The following ERAP1 variants were observed in gnomAD, a reference collection of about 807,000 sequenced individuals.
ERAP1 encodes adipocyte-derived leucine aminopeptidase.
ERAP1 carries 86 observed loss-of-function variants against 103.7 expected under a neutral mutation model. That is an observed-to-expected ratio of 0.83 (90% CI 0.70 to 0.99). The LOEUF is 0.99. ERAP1 is among the 50% of genes least tolerant of loss of function. The pLI, the probability that ERAP1 is intolerant of heterozygous loss-of-function variation, is 0.00. For synonymous variants in ERAP1, 398 were observed against 402.4 expected, an observed-to-expected ratio of 0.99 and a Z score of 0.13; for missense variants, 1,009 against 1,128.4, an observed-to-expected ratio of 0.89 and a Z score of 1.52.
At chr5:96,809,883 T>C (rs1036897319), upstream of ERAP1, among the ~76,000 whole-genome samples, 1 of 152,188 alleles carries the variant, frequency 6.6e-6, no homozygotes, top group Non-Finnish European at 1.5e-5. Flanking sequence ...AGTTTTTTTG[T>C]TTTTGTTTTT....
In ERAP1 at chr5:96,803,271, AAAG is replaced by A. The variant is rs1778187588; in HGVS notation, c.524+129_524+131del. On this transcript the variant is annotated intron_variant, in intron 2 of 18. Coordinates refer to ENST00000443439, the MANE Select transcript of ERAP1 (RefSeq NM_001040458.3). ...GGGAAAAAGCCATTTTTAACACTAT[AAAG>A]AAGATGCAAAAGCAAAACTGAAGAA... The A allele has an allele frequency of 8.0e-6, 7 of 875,058 alleles. No homozygotes were observed. In the South Asian group the frequency reaches 1.2e-4, roughly 15 times the overall value. 54.2% of individuals were successfully genotyped at this position (875,058 alleles called of 1,614,324 possible). A position where few individuals can be genotyped will look rare whatever the true frequency, so the allele number is the denominator to read the frequency against.
chr5:96,887,100 T>C, the ERAP1 span, among the ~76,000 whole-genome samples: 196 of 137,432 alleles, frequency 1.4e-3, no homozygotes, highest in African/African-American at 4.7e-3. Context: ...TATATATATA[T>C]ACACACACAC....
At chr5:96,865,651 C>T in the ERAP1 span, among the ~76,000 whole-genome samples, 1 of 152,170 alleles carries the variant, frequency 6.6e-6, no homozygotes, top group Non-Finnish European at 1.5e-5. Context: ...GGTAACTATT[C>T]TATTTTTCAT....
In ERAP1 at chr5:96,786,579, T is replaced by C. The variant is rs749277975; in HGVS notation, c.1680-30A>G. 2.2e-6 allele frequency: 3 copies of C among 1,390,726 alleles called. No individual in the cohort carries two copies. In the African/African-American group the frequency reaches 4.2e-5, roughly 20 times the overall value. 86.1% of individuals were successfully genotyped at this position (1,390,726 alleles called of 1,614,324 possible). A position where few individuals can be genotyped will look rare whatever the true frequency, so the allele number is the denominator to read the frequency against. ...AATAAAGGAGAGGTGGATTGTTCAT[T>C]TGTTGATTCAATTCAACAAGCAGTT... On this transcript the variant is annotated intron_variant, in intron 11 of 18. Transcript: ENST00000443439.
At chr5:96,788,329 C>A (rs1776327570) in intron 11 of ERAP1, among the ~76,000 whole-genome samples, 1 of 152,074 alleles carries the variant, frequency 6.6e-6, no homozygotes, top group Admixed American at 6.5e-5. Context: ...GTCACCTTTA[C>A]TGAGAATAAC....
At chr5:96,827,870 G>T in the ERAP1 span, among the ~76,000 whole-genome samples, 1 of 152,232 alleles carries the variant, frequency 6.6e-6, no homozygotes, top group Non-Finnish European at 1.5e-5. Flanking sequence ...TTGAAACCCT[G>T]TGAGGATAAT....
chr5:96,792,481 C>A (rs1217717137), intron 7 of ERAP1, among the ~76,000 whole-genome samples: 1 of 152,114 alleles, frequency 6.6e-6, no homozygotes, highest in African/African-American at 2.4e-5. Context: ...TATAGCCAAA[C>A]AGCAACACAA....
At chr5:96,794,992 A>G (rs747553836) in intron 5 of ERAP1, 50 bp downstream of exon 5, 2 of 1,607,600 alleles carry the variant, frequency 1.2e-6, no homozygotes, top group Non-Finnish European at 1.7e-6. Flanking sequence ...TGACAAATCT[A>G]TGACTGTGTT....
the ERAP1 span, among the ~76,000 whole-genome samples, chr5:96,905,417 C>T: frequency 2.6e-5 from 4 of 152,132 alleles, no homozygotes; most frequent in African/African-American, 9.7e-5. Flanking sequence ...AGTCTAATTT[C>T]TAGTTGTTCT....
intron 19 of ERAP1, among the ~76,000 whole-genome samples, chr5:96,766,871 TG>T (rs2067319): frequency 0.29 from 44,716 of 152,070 alleles, 7,065 homozygotes; most frequent in East Asian, 0.5. Context: ...AGATGATTCC[TG>T]GTTTAAATAG....
chr5:96,795,223 T>C (rs1384957886), intron 4 of ERAP1, 61 bp from the exon 5 acceptor site: 4 of 1,598,776 alleles, frequency 2.5e-6, no homozygotes, highest in Admixed American at 1.7e-5. Context: ...CCCCACATTG[T>C]GTAGAAGACT....
chr5:96,896,342 A>G, the ERAP1 span: 2 of 1,575,458 alleles, frequency 1.3e-6, no homozygotes, highest in East Asian at 2.2e-5. Context: ...TCAAATAGAA[A>G]CTAAAACTAA....
At chr5:96,889,185 G>T in the ERAP1 span, 1 of 1,614,012 alleles carries the variant, frequency 6.2e-7, no homozygotes, top group Non-Finnish European at 8.5e-7. Flanking sequence ...CATTTCCCAG[G>T]TGTCCATCTA....
intron 10 of ERAP1, 71 bp from the exon 11 acceptor site, chr5:96,788,756 T>C: frequency 6.4e-7 from 1 of 1,570,170 alleles, no homozygotes; most frequent in Non-Finnish European, 8.6e-7. Flanking sequence ...GAACACCAGC[T>C]TATGCTCAAA....
chr5:96,818,893 C>CATTT, the ERAP1 span, among the ~76,000 whole-genome samples: 22,757 of 141,398 alleles, frequency 0.16, 2,120 homozygotes, highest in African/African-American at 0.23. Flanking sequence ...ACCTGAACTG[C>CATTT]ATTTATTTAT....
chr5:96,772,099 G>C (rs1772602921), downstream of ERAP1: 1 of 155,482 alleles, frequency 6.4e-6, no homozygotes, highest in Non-Finnish European at 1.4e-5. Context: ...ACCAATACAT[G>C]GTGGGGTGGG....
At chr5:96,814,240 G>A in the ERAP1 span, 1 of 455,974 alleles carries the variant, frequency 2.2e-6, no homozygotes, top group Non-Finnish European at 4.4e-6. Context: ...TTTTCTGGAG[G>A]CTGCTCTCAG....
At chr5:96,890,933 A>G in the ERAP1 span, among the ~76,000 whole-genome samples, 1 of 152,250 alleles carries the variant, frequency 6.6e-6, no homozygotes, top group African/African-American at 2.4e-5. Flanking sequence ...TAAAGAGCAT[A>G]TGAAATATCT....
chr5:96,923,013 C>T, the ERAP1 span, among the ~76,000 whole-genome samples: 1 of 152,150 alleles, frequency 6.6e-6, no homozygotes, highest in African/African-American at 2.4e-5. Context: ...AGGTCTTGCT[C>T]TGTTGACCAA....
Sources: allele counts gnomAD v4.1 joint callset (sites outside exome capture counted in the v4.1 genomes callset), GRCh38; gene constraint gnomAD v4.1.1; transcripts MANE v1.5; gene names NCBI Gene and HGNC (gene_info 2026-07-23, HGNC 2026-07-21).